The following EYS variants were observed in gnomAD, a reference collection of about 807,000 sequenced individuals.
The protein encoded by EYS is EGF-like photoreceptor maintenance factor, also known as protein eyes shut homolog.
EYS carries 250 observed loss-of-function variants against 282.1 expected under a neutral mutation model. The observed-to-expected ratio is 0.89, with a 90% confidence interval of 0.80 to 0.98. The LOEUF is 0.98. EYS is among the 50% of genes least tolerant of loss of function. The probability of loss-of-function intolerance (pLI) is 0.00; values close to 1 mark genes in which losing one functional copy is unlikely to be tolerated. For missense variants in EYS, 4,016 were observed against 3,709.0 expected, an observed-to-expected ratio of 1.08 and a Z score of -2.15; for synonymous variants, 1,355 against 1,282.9, an observed-to-expected ratio of 1.06 and a Z score of -1.20.
chr6:64,013,325 T>C (rs968706825), intron 33 of EYS, among the ~76,000 whole-genome samples: 5 of 152,226 alleles, frequency 3.3e-5, no homozygotes, highest in African/African-American at 9.6e-5. Flanking sequence ...GGTCTCCTGG[T>C]AGCGCCTCTA....
chr6:65,356,358 C>T (rs539928592), intron 8 of EYS, among the ~76,000 whole-genome samples: 28 of 152,028 alleles, frequency 1.8e-4, no homozygotes, highest in Non-Finnish European at 3.7e-4. Flanking sequence ...CTGTTTCTGC[C>T]ACTCAGGAGC....
chr6:64,964,592 C>A (rs1412683763), intron 14 of EYS, among the ~76,000 whole-genome samples: 2 of 152,102 alleles, frequency 1.3e-5, no homozygotes, highest in African/African-American at 4.8e-5. Context: ...ACAGTGGCGG[C>A]ACCAGCAAGC....
rs139502645 is a variant in EYS, at chr6:64,186,091, G to C, written c.6424+44501C>G. Among the ~76,000 whole-genome samples, 6 of 152,252 alleles carry C rather than the reference G, an allele frequency of 3.9e-5. No individual in the cohort carries two copies. The East Asian group carries it at 7.7e-4, about 20-fold the overall frequency. On this transcript the variant is annotated intron_variant, in intron 31 of 42. Coordinates refer to ENST00000503581, the MANE Select transcript of EYS (RefSeq NM_001142800.2). ...AAAGTAGATGTTGGGTTATTACGAA[G>C]AAGAGCACACAAGGCCCTTGTACAG...
At chr6:65,477,604 T>A (rs1394288951) in intron 5 of EYS, among the ~76,000 whole-genome samples, 1 of 152,160 alleles carries the variant, frequency 6.6e-6, no homozygotes. Flanking sequence ...GGGAAGCCAA[T>A]TGACGCATTC....
intron 26 of EYS, among the ~76,000 whole-genome samples, chr6:64,506,470 T>C (rs1294888455): frequency 6.6e-6 from 1 of 152,240 alleles, no homozygotes; most frequent in African/African-American, 2.4e-5. Flanking sequence ...GGACAAATTT[T>C]TGTTATTCAC....
At chr6:64,773,662 G>A (rs1393838595) in intron 22 of EYS, among the ~76,000 whole-genome samples, 2 of 151,808 alleles carry the variant, frequency 1.3e-5, no homozygotes, top group Admixed American at 1.3e-4. Context: ...CTTAATAATA[G>A]TCTTTCTGAC....
chr6:65,295,721 T>C, intron 12 of EYS, 142 bp downstream of exon 12: 1 of 763,036 alleles, frequency 1.3e-6, no homozygotes, highest in African/African-American at 1.8e-5. Context: ...AATGCATTTT[T>C]TTTTTTACTT....
intron 35 of EYS, among the ~76,000 whole-genome samples, chr6:63,896,713 C>A (rs1012283746): frequency 6.6e-6 from 1 of 152,238 alleles, no homozygotes; most frequent in Non-Finnish European, 1.5e-5. Flanking sequence ...GCCTATTCAT[C>A]CATTCCTCCC....
chr6:65,021,856 T>C (rs1244775112), intron 13 of EYS, among the ~76,000 whole-genome samples: 2 of 152,198 alleles, frequency 1.3e-5, no homozygotes, highest in Admixed American at 1.3e-4. Context: ...CTTTACATAG[T>C]GGCAGTAAGG....
At chr6:65,333,730 C>CAT (rs35235542) in intron 11 of EYS, among the ~76,000 whole-genome samples, 27,431 of 151,030 alleles carry the variant, frequency 0.18, 2,980 homozygotes, top group Middle Eastern at 0.27. Flanking sequence ...TGTGTATATA[C>CAT]ATATATATAT....
chr6:65,537,422 C>T lies in EYS; in HGVS notation c.-332-41429G>A, dbSNP rs948260317. Among the ~76,000 whole-genome samples, 56 of 152,040 alleles carry T rather than the reference C, an allele frequency of 3.7e-4. 1 individual carries two copies. Among genetic ancestry groups the T allele is most frequent in the Admixed American group, 2.4e-3 (36 of 15,224 alleles). On this transcript the variant is annotated intron_variant, in intron 2 of 42. Transcript: ENST00000503581. ...TGTAAATTAAACCCTAAACATTAAACATTTCCTAAGATTTATATACATTTA... is the reference window on the plus strand; with the variant it reads ...TGTAAATTAAACCCTAAACATTAAATATTTCCTAAGATTTATATACATTTA...
At chr6:64,218,312 C>A (rs1357206692) in intron 31 of EYS, among the ~76,000 whole-genome samples, 1 of 152,066 alleles carries the variant, frequency 6.6e-6, no homozygotes, top group South Asian at 2.1e-4. Context: ...CTTCTTGTGT[C>A]CCTTTGAGAT....
At chr6:64,255,620 T>C (rs1767368034) in intron 30 of EYS, among the ~76,000 whole-genome samples, 1 of 152,058 alleles carries the variant, frequency 6.6e-6, no homozygotes, top group African/African-American at 2.4e-5. Context: ...CTGTTTTAAT[T>C]CAAATTTCAC....
At chr6:65,338,392 A>G (rs1459490266) in intron 10 of EYS, among the ~76,000 whole-genome samples, 2 of 151,130 alleles carry the variant, frequency 1.3e-5, no homozygotes, top group Non-Finnish European at 3.0e-5. Context: ...AACTTTGTGT[A>G]TACAGAGAAT....
At chr6:65,003,251 C>A (rs1177534841) in intron 13 of EYS, among the ~76,000 whole-genome samples, 1 of 147,116 alleles carries the variant, frequency 6.8e-6, no homozygotes, top group Non-Finnish European at 1.5e-5. Flanking sequence ...TCTGAACTGG[C>A]CCCCCTGGGC....
At chr6:64,655,570 C>CTATATA (rs978676483) in intron 22 of EYS, among the ~76,000 whole-genome samples, 20 of 151,926 alleles carry the variant, frequency 1.3e-4, no homozygotes, top group African/African-American at 4.8e-4. Context: ...ATAATGTTTG[C>CTATATA]TATATATATG....
chr6:64,298,095 C>A (rs1389581795), intron 30 of EYS, among the ~76,000 whole-genome samples: 2 of 151,762 alleles, frequency 1.3e-5, no homozygotes, highest in African/African-American at 2.4e-5. Flanking sequence ...GGGAATCCTG[C>A]AGTGTGAAAT....
At chr6:64,194,115 G>T (rs1765205756) in intron 31 of EYS, among the ~76,000 whole-genome samples, 2 of 151,816 alleles carry the variant, frequency 1.3e-5, no homozygotes, top group Admixed American at 1.3e-4. Context: ...CTCATGATCT[G>T]CCGCCTCAGC....
At chr6:63,865,808 T>G (rs543624712) in intron 35 of EYS, among the ~76,000 whole-genome samples, 1 of 152,206 alleles carries the variant, frequency 6.6e-6, no homozygotes, top group African/African-American at 2.4e-5. Context: ...GTGTTTCCTT[T>G]TCTAAAAATA....
Sources: gnomAD v4.1 joint callset for allele counts (sites outside exome capture counted in the v4.1 genomes callset) on GRCh38, gnomAD v4.1.1 for gene constraint, MANE v1.5 for transcripts, NCBI Gene and HGNC (gene_info 2026-07-23, HGNC 2026-07-21) for gene names.